The following CATSPERD variants were observed in gnomAD, a reference collection of about 807,000 sequenced individuals.
CATSPERD encodes the protein cation channel sperm-associated auxiliary subunit delta.
A neutral mutation model predicts 98.1 loss-of-function variants in CATSPERD; 86 were observed. The ratio of observed to expected loss-of-function variants is 0.88; its 90% CI spans 0.74 to 1.05. CATSPERD has a LOEUF of 1.05. CATSPERD is among the 50% of genes least tolerant of loss of function. CATSPERD has a pLI of 0.00. For synonymous variants in CATSPERD, 394 were observed against 390.2 expected, an observed-to-expected ratio of 1.01 and a Z score of -0.12; for missense variants, 995 against 1,005.7, an observed-to-expected ratio of 0.99 and a Z score of 0.14.
chr19:5,728,705 C>T (rs1407073558), intron 3 of CATSPERD, among the ~76,000 whole-genome samples: 7 of 145,186 alleles, frequency 4.8e-5, no homozygotes, highest in African/African-American at 5.1e-5. Flanking sequence ...CTCTCTCTCT[C>T]TTTTTTTTTT....
intron 19 of CATSPERD, chr19:5,772,211 TTA>T: frequency 3.1e-6 from 1 of 319,082 alleles, no homozygotes; most frequent in South Asian, 2.3e-5. Context: ...CAATGCCCGG[TTA>T]ATTTTTTTTT....
chr19:5,767,248 C>T (rs1310302082), intron 17 of CATSPERD, among the ~76,000 whole-genome samples: 3 of 129,056 alleles, frequency 2.3e-5, no homozygotes, highest in African/African-American at 5.8e-5. Flanking sequence ...ACCCAGGAGG[C>T]GGAACTTGAA....
chr19:5,772,214 ATTTTTTTTTT>A (rs35847357), intron 19 of CATSPERD: 1,855 of 154,038 alleles, frequency 0.012, 4 homozygotes, highest in Middle Eastern at 0.042. Context: ...TGCCCGGTTA[ATTTTTTTTTT>A]TTTTTTTTTT....
At position 5,778,549 on chromosome 19, in the gene CATSPERD, A is replaced by C; in HGVS notation, c.2270A>C (p.Lys757Thr). 1 of 1,613,962 alleles carries C rather than the reference A, an allele frequency of 6.2e-7. No individual in the cohort carries two copies. Among genetic ancestry groups the C allele is most frequent in the Non-Finnish European group, 8.5e-7 (1 of 1,180,024 alleles). Reference protein sequence around the residue: ...LRTARGRRIKKCATQLCRRCK... With the variant: ...LRTARGRRIKTCATQLCRRCK... ...ACAGCACGCGGCCGCAGGATCAAGAAGTGTGCGACACAGCTGTGTAGGAGA... is the reference window on the plus strand; with the variant it reads ...ACAGCACGCGGCCGCAGGATCAAGACGTGTGCGACACAGCTGTGTAGGAGA... The change falls in exon 22 of 22, where the codon AAG (lysine) becomes ACG (threonine). Residue 757 changes from lysine to threonine, a missense_variant. Lys to Thr is a moderately conservative substitution (Grantham distance 78). Around this residue, in one of 3 missense-constraint regions of CATSPERD, gnomAD observed 762 missense variants for 773.7 expected, o/e 0.98. Coordinates refer to ENST00000381624, the MANE Select transcript of CATSPERD (RefSeq NM_152784.4).
At chr19:5,722,984 C>T (rs1240571333) in intron 1 of CATSPERD, among the ~76,000 whole-genome samples, 3 of 151,692 alleles carry the variant, frequency 2.0e-5, no homozygotes, top group Admixed American at 6.6e-5. Context: ...GTCAGGAGAT[C>T]GAGACCATCC....
In CATSPERD at chr19:5,751,660, A is replaced by G. The variant is rs778669365; in HGVS notation, c.1001A>G (p.Tyr334Cys). 1.9e-6 allele frequency: 3 copies of G among 1,587,148 alleles called. No individual in the cohort carries two copies. In the South Asian group the frequency reaches 3.4e-5, roughly 18 times the overall value. ...TTTTCTTCTTAGTTTGCAGACCAAT[A>G]CATCTGGTCAGAAGACGTGGCCCTG... ...PSSIIKFADQ[Y>C]IWSEDVALMF... Residue 334 changes from tyrosine to cysteine, a missense_variant, in exon 12 of 22, where the codon TAC (tyrosine) becomes TGC (cysteine). Physicochemically the swap from Tyr to Cys is radical, Grantham distance 194. Around this residue, in one of 3 missense-constraint regions of CATSPERD, gnomAD observed 762 missense variants for 773.7 expected, o/e 0.98. Coordinates refer to ENST00000381624, the MANE Select transcript of CATSPERD (RefSeq NM_152784.4).
At chr19:5,724,588 A>T (rs1367576031) in intron 1 of CATSPERD, among the ~76,000 whole-genome samples, 1 of 152,082 alleles carries the variant, frequency 6.6e-6, no homozygotes, top group East Asian at 1.9e-4. Flanking sequence ...AATCCCAGCT[A>T]CTCTGGCGGC....
intron 3 of CATSPERD, among the ~76,000 whole-genome samples, chr19:5,727,797 C>T (rs1258690263): frequency 6.6e-6 from 1 of 152,022 alleles, no homozygotes; most frequent in Non-Finnish European, 1.5e-5. Context: ...CCAGGTATGT[C>T]CACCATGCCA....
intron 18 of CATSPERD, among the ~76,000 whole-genome samples, chr19:5,770,680 C>T (rs1351475541): frequency 1.3e-5 from 2 of 152,022 alleles, no homozygotes; most frequent in African/African-American, 4.8e-5. Flanking sequence ...ACTCGGGAGG[C>T]TGAGGTGAGA....
At chr19:5,777,477 A>G (rs1236611992) in intron 21 of CATSPERD, among the ~76,000 whole-genome samples, 1 of 152,140 alleles carries the variant, frequency 6.6e-6, no homozygotes, top group East Asian at 1.9e-4. Context: ...TTGATGGACC[A>G]TTTAGTTAAT....
chr19:5,727,056 A>G (rs1223125487), intron 2 of CATSPERD, among the ~76,000 whole-genome samples: 1 of 152,066 alleles, frequency 6.6e-6, no homozygotes, highest in African/African-American at 2.4e-5. Flanking sequence ...CCAGCCGGGC[A>G]TGGTGGCGGG....
At chr19:5,727,232 AT>A in intron 2 of CATSPERD, 35 bp from the exon 3 acceptor site, 1 of 1,474,628 alleles carries the variant, frequency 6.8e-7, no homozygotes, top group Non-Finnish European at 9.5e-7. Context: ...GTTTATGGTT[AT>A]TGATATTATT....
chr19:5,772,911 G>C lies in CATSPERD; in HGVS notation c.1887G>C (p.Gln629His). The C allele has an allele frequency of 1.9e-6, 3 of 1,614,134 alleles. No individual in the cohort carries two copies. Among genetic ancestry groups the C allele is most frequent in the Non-Finnish European group, 2.5e-6 (3 of 1,180,018 alleles). The change falls in exon 20 of 22, where the codon CAG (glutamine) becomes CAC (histidine). Residue 629 changes from glutamine to histidine, a missense_variant. Around this residue, in one of 3 missense-constraint regions of CATSPERD, gnomAD observed 762 missense variants for 773.7 expected, o/e 0.98. Transcript: ENST00000381624. ...CGGCCATGTGTACCTCCCAGCCGCA[G>C]AACTGGACCACCATGATAAAGGAAT... ...AQSAMCTSQP[Q>H]NWTTMIKEFG...
Position 5,741,791 on chromosome 19 carries a change from G to GC in CATSPERD, c.573+2352_573+2353insC, listed in dbSNP as rs1449385146. Among the ~76,000 whole-genome samples the GC allele has an allele frequency of 2.1e-4, 20 of 96,606 alleles. 5 individuals carry two copies. The highest frequency in any genetic ancestry group is 4.1e-4 in the Non-Finnish European group (17 of 41,054). 63.4% of individuals were successfully genotyped at this position (96,606 alleles called of 152,430 possible). A position where few individuals can be genotyped will look rare whatever the true frequency, so the allele number is the denominator to read the frequency against. On this transcript the variant is annotated intron_variant, in intron 7 of 21. Coordinates refer to ENST00000381624, the MANE Select transcript of CATSPERD (RefSeq NM_152784.4). ...CACTTTGGGATGCTGAAGGCGGGGGGGGGGGGGTGGTGTGGATCACTTGAG... is the reference window on the plus strand; with the variant it reads ...CACTTTGGGATGCTGAAGGCGGGGGGCGGGGGGGTGGTGTGGATCACTTGAG...
chr19:5,762,058 A>ATATATATATATATATTTTTTT, intron 15 of CATSPERD, among the ~76,000 whole-genome samples: 3 of 10,432 alleles, frequency 2.9e-4, no homozygotes, highest in African/African-American at 9.9e-4. Flanking sequence ...ATATATATAT[A>ATATATATATATATATTTTTTT]TTTTTTTTTT....
intron 18 of CATSPERD, among the ~76,000 whole-genome samples, chr19:5,769,086 A>T (rs144279566): frequency 6.6e-6 from 1 of 151,660 alleles, no homozygotes; most frequent in African/African-American, 2.4e-5. Flanking sequence ...ACTGGGAGGC[A>T]GAGGTTGCAG....
At chr19:5,731,169 C>T (rs2055709545) in intron 4 of CATSPERD, among the ~76,000 whole-genome samples, 1 of 151,522 alleles carries the variant, frequency 6.6e-6, no homozygotes, top group Non-Finnish European at 1.5e-5. Context: ...GAAATTATAC[C>T]ATCGACACCT....
chr19:5,748,966 G>A, intron 10 of CATSPERD, 135 bp from the exon 11 acceptor site: 2 of 562,978 alleles, frequency 3.6e-6, no homozygotes, highest in South Asian at 1.8e-5. Flanking sequence ...CTGGCCTCAA[G>A]TGATCCACCC....
At chr19:5,772,465 G>C (rs1447613042) in intron 19 of CATSPERD, 2 of 283,400 alleles carry the variant, frequency 7.1e-6, no homozygotes, top group African/African-American at 4.5e-5. Context: ...CTGACCTCGT[G>C]ATCCTCCCGC....
Sources: gnomAD v4.1 joint callset for allele counts (sites outside exome capture counted in the v4.1 genomes callset) on GRCh38, gnomAD v4.1.1 for gene constraint, gnomAD v4.1.1 regional missense constraint, MANE v1.5 for transcripts, NCBI Gene and HGNC (gene_info 2026-07-23, HGNC 2026-07-21) for gene names.